Variants in STX18 observed in about 807,000 individuals in gnomAD.
The protein encoded by STX18 is syntaxin-18.
A neutral mutation model predicts 50.1 loss-of-function variants in STX18; 40 were observed. The ratio of observed to expected loss-of-function variants is 0.80; its 90% CI spans 0.62 to 1.04. The LOEUF is 1.04. Ranked by LOEUF, STX18 falls within the 50% of genes least tolerant of loss-of-function variation. The probability of loss-of-function intolerance (pLI) is 0.00; values close to 1 mark genes in which losing one functional copy is unlikely to be tolerated. For missense variants in STX18, 410 were observed against 415.8 expected, an observed-to-expected ratio of 0.99 and a Z score of 0.12; for synonymous variants, 158 against 151.8, an observed-to-expected ratio of 1.04 and a Z score of -0.30.
rs143518331 is a variant in STX18, at chr4:4,462,996, C to T, written c.237-3509G>A. Among the ~76,000 whole-genome samples the T allele has an allele frequency of 4.2e-3, 642 of 152,362 alleles. 12 individuals are homozygous for T. Among genetic ancestry groups the T allele is most frequent in the African/African-American group, 0.014 (601 of 41,580 alleles). ...TGTTTGAGTATAATAACTGCCTTAA[C>T]ATCACTATTACATCGAAAGCTTAAA... On this transcript the variant is annotated intron_variant, in intron 2 of 10. Transcript: ENST00000306200.
chr4:4,528,555 C>T (rs1230956281), intron 1 of STX18, among the ~76,000 whole-genome samples: 3 of 152,228 alleles, frequency 2.0e-5, no homozygotes, highest in African/African-American at 4.8e-5. Context: ...TCTGCAGAAT[C>T]ATAAGCCAAA....
chr4:4,439,963 G>A (rs111832857), intron 5 of STX18, among the ~76,000 whole-genome samples: 46 of 152,322 alleles, frequency 3.0e-4, no homozygotes, highest in African/African-American at 9.9e-4. Context: ...TTATTTATCT[G>A]TTGGTTGTCA....
At chr4:4,435,219 C>A (rs968625657) in intron 6 of STX18, among the ~76,000 whole-genome samples, 5 of 152,104 alleles carry the variant, frequency 3.3e-5, no homozygotes, top group Non-Finnish European at 7.3e-5. Flanking sequence ...GACACATACA[C>A]CCCTGTCTAC....
At chr4:4,518,803 A>T (rs1038016094) in intron 1 of STX18, among the ~76,000 whole-genome samples, 6 of 152,336 alleles carry the variant, frequency 3.9e-5, no homozygotes, top group African/African-American at 1.2e-4. Flanking sequence ...ACAACGGTTT[A>T]CTTATACACA....
In STX18 at chr4:4,420,198, C is replaced by T. The variant is rs1724856499; in HGVS notation, c.913-69G>A. On this transcript the variant is annotated intron_variant, in intron 10 of 10. Transcript: ENST00000306200. The surrounding 1 kb of genome is among the most constrained non-coding windows in gnomAD (Gnocchi z 4.3). ...TTGGTTTGAGCAGCCCTGAAATGCCCCCCTCTTCCCACGTGCTCTCCTGAT... is the reference window on the plus strand; with the variant it reads ...TTGGTTTGAGCAGCCCTGAAATGCCTCCCTCTTCCCACGTGCTCTCCTGAT... The T allele has an allele frequency of 3.2e-6, 4 of 1,250,928 alleles. No homozygotes were observed. The highest frequency in any genetic ancestry group is 4.5e-6 in the Non-Finnish European group (4 of 880,232). 77.5% of individuals were successfully genotyped at this position (1,250,928 alleles called of 1,614,324 possible).
intron 1 of STX18, among the ~76,000 whole-genome samples, chr4:4,513,297 A>C (rs1730091089): frequency 6.6e-6 from 1 of 152,192 alleles, no homozygotes; most frequent in African/African-American, 2.4e-5. Flanking sequence ...GGCAAGCCAG[A>C]GCTCATGGGG....
At position 4,525,016 on chromosome 4, in the gene STX18, C is replaced by T. The variant is rs140447577; in HGVS notation, c.168+16781G>A. 3.5e-3 allele frequency among the ~76,000 whole-genome samples: 534 copies of T among 152,194 alleles called. 3 individuals carry two copies. The highest frequency in any genetic ancestry group is 0.02 in the Middle Eastern group (6 of 294). On this transcript the variant is annotated intron_variant, in intron 1 of 10. Coordinates refer to ENST00000306200, the MANE Select transcript of STX18 (RefSeq NM_016930.4). ...CAACACAAAATAGAAGAATGAGATT[C>T]CAGATGTGGAAGGAAAGCTTTCCAT... is the stretch of plus-strand genomic sequence containing the variant.
In STX18 at chr4:4,419,826, G is replaced by A; in HGVS notation, c.*208C>T. 3 of 530,738 alleles carry A rather than the reference G, an allele frequency of 5.7e-6. No individual in the cohort carries two copies. In the South Asian group the frequency reaches 6.3e-5, roughly 11 times the overall value. 32.9% of individuals were successfully genotyped at this position (530,738 alleles called of 1,614,324 possible). ...AGGCTGCCTCCCATTGGTGTGCACTGTTTCCTTTTTCAGCTGCTAAATGGC... is the reference window on the plus strand; with the variant it reads ...AGGCTGCCTCCCATTGGTGTGCACTATTTCCTTTTTCAGCTGCTAAATGGC... On this transcript the variant is annotated 3_prime_UTR_variant, in exon 11 of 11. Coordinates refer to ENST00000306200, the MANE Select transcript of STX18 (RefSeq NM_016930.4).
intron 3 of STX18, among the ~76,000 whole-genome samples, chr4:4,458,787 A>C (rs1001606656): frequency 1.3e-5 from 2 of 150,822 alleles, no homozygotes; most frequent in South Asian, 2.1e-4. Context: ...AGACAAAAAA[A>C]CAAGGCCCAG....
intron 5 of STX18, among the ~76,000 whole-genome samples, chr4:4,447,798 A>G (rs542224438): frequency 6.6e-6 from 1 of 152,270 alleles, no homozygotes; most frequent in African/African-American, 2.4e-5. Flanking sequence ...AAAAGGCAGA[A>G]TGGTTAATAA....
chr4:4,435,870 T>A (rs1433931513), intron 6 of STX18, among the ~76,000 whole-genome samples: 1 of 152,180 alleles, frequency 6.6e-6, no homozygotes, highest in Non-Finnish European at 1.5e-5. Flanking sequence ...CCGCCCAGGA[T>A]GACGGTAAGA....
chr4:4,443,551 T>C (rs1023815783), intron 5 of STX18, among the ~76,000 whole-genome samples: 2 of 152,216 alleles, frequency 1.3e-5, no homozygotes, highest in African/African-American at 4.8e-5. Flanking sequence ...AATCATTTTA[T>C]GAGGCCAGTA....
intron 2 of STX18, among the ~76,000 whole-genome samples, chr4:4,467,370 G>A (rs1459772888): frequency 6.6e-6 from 1 of 152,176 alleles, no homozygotes; most frequent in Non-Finnish European, 1.5e-5. Context: ...GGGCATCTGG[G>A]AGGTTAAAGG....
In STX18 at chr4:4,423,758, T is replaced by C. The variant is rs534067484; in HGVS notation, c.762-171A>G. Reference sequence around the variant, plus strand: ...GGAGAGGAAGGCGAACTCTCCTTACTGGGTCACCTTCCCTGTCTTCTGGCA... The same window carrying C: ...GGAGAGGAAGGCGAACTCTCCTTACCGGGTCACCTTCCCTGTCTTCTGGCA... On this transcript the variant is annotated intron_variant, in intron 8 of 10. Coordinates refer to ENST00000306200, the MANE Select transcript of STX18 (RefSeq NM_016930.4). 1.4e-4 allele frequency: 89 copies of C among 644,096 alleles called. No homozygotes were observed. The South Asian group carries it at 1.6e-3, about 12-fold the overall frequency. 39.9% of individuals were successfully genotyped at this position (644,096 alleles called of 1,614,324 possible).
intron 5 of STX18, chr4:4,453,529 A>G (rs1426235132): frequency 4.9e-6 from 1 of 204,800 alleles, no homozygotes; most frequent in Non-Finnish European, 8.6e-6. Flanking sequence ...ACTTTATAGT[A>G]TAAACATAGC....
chr4:4,535,399 T>C (rs571075598), intron 1 of STX18, among the ~76,000 whole-genome samples: 1 of 152,326 alleles, frequency 6.6e-6, no homozygotes, highest in Admixed American at 6.5e-5. Context: ...AACTCTGCAG[T>C]GCTGAGCTCT....
At chr4:4,462,217 G>A (rs901356556) in intron 2 of STX18, among the ~76,000 whole-genome samples, 2 of 152,022 alleles carry the variant, frequency 1.3e-5, no homozygotes, top group African/African-American at 4.8e-5. Context: ...GTTTTGTCTT[G>A]TTCAATAACC....
intron 1 of STX18, among the ~76,000 whole-genome samples, chr4:4,531,073 T>A (rs1461552180): frequency 6.6e-6 from 1 of 152,124 alleles, no homozygotes; most frequent in African/African-American, 2.4e-5. Context: ...CCCAAAGTGC[T>A]AACCAATTAC....
At chr4:4,542,210 G>A, upstream of STX18, 1 of 474,980 alleles carries the variant, frequency 2.1e-6, no homozygotes. Flanking sequence ...GTTTCTCCCA[G>A]CAAAGCTTGG....
Sources: gnomAD v4.1 joint callset for allele counts (sites outside exome capture counted in the v4.1 genomes callset) on GRCh38, gnomAD v4.1.1 for gene constraint, Gnocchi (gnomAD v3.1) non-coding constraint, MANE v1.5 for transcripts, NCBI Gene and HGNC (gene_info 2026-07-23, HGNC 2026-07-21) for gene names.